The following ATL3 variants were observed in gnomAD, a reference collection of about 807,000 sequenced individuals.
ATL3 encodes the protein atlastin GTPase 3.
ATL3 carries 49 observed loss-of-function variants against 69.5 expected under a neutral mutation model. That is an observed-to-expected ratio of 0.71 (90% confidence interval 0.56 to 0.89). ATL3 has a LOEUF of 0.89. Among genes scored for constraint, ATL3 ranks in the 40% least tolerant of loss-of-function variants. The pLI is 0.00. For missense variants in ATL3, 606 were observed against 645.7 expected, an observed-to-expected ratio of 0.94 and a Z score of 0.67; for synonymous variants, 214 against 224.1, an observed-to-expected ratio of 0.95 and a Z score of 0.40.
chr11:63,634,561 T>C (rs1939454077), intron 10 of ATL3, among the ~76,000 whole-genome samples: 2 of 152,150 alleles, frequency 1.3e-5, no homozygotes, highest in Admixed American at 1.3e-4. Context: ...CTAGCTCCCT[T>C]TATGAAAATT....
chr11:63,636,419 C>A, intron 8 of ATL3, 85 bp from the exon 9 acceptor site: 1 of 1,556,496 alleles, frequency 6.4e-7, no homozygotes, highest in South Asian at 1.2e-5. Flanking sequence ...TCTTCCCAGT[C>A]TAGTGCTTTT....
chr11:63,643,430 A>G lies in ATL3; in HGVS notation c.777T>C (p.Asp259=), dbSNP rs780944495. 1.5e-5 allele frequency: 24 copies of G among 1,612,868 alleles called. No homozygotes were observed. Among genetic ancestry groups the G allele is most frequent in the Non-Finnish European group, 1.8e-5 (21 of 1,179,494 alleles). ...VRNHIHSCFS[D]VTCFLLPHPG... ...GATGTGGTAAGAGAAAGCAGGTGAC[A>G]TCGGAGAAACATGAGTGAATGTGAT... Residue 259 remains aspartate (D), a synonymous_variant, in exon 8 of 13, where the codon GAT becomes GAC. Coordinates refer to ENST00000398868, the MANE Select transcript of ATL3 (RefSeq NM_015459.5).
At chr11:63,671,551 G>A, upstream of ATL3, 4 of 1,428,846 alleles carry the variant, frequency 2.8e-6, no homozygotes, top group South Asian at 4.3e-5. Context: ...CGCAGGACGA[G>A]GCTAGGCGAG....
At position 63,633,102 on chromosome 11, in the gene ATL3, TAA is replaced by T. The variant is rs966965254; in HGVS notation, c.1036-7_1036-6del. On this transcript the variant is annotated splice_region_variant and splice_polypyrimidine_tract_variant and intron_variant, in intron 10 of 12. Coordinates refer to ENST00000398868, the MANE Select transcript of ATL3 (RefSeq NM_015459.5). ...GTTGTTGGCTTCAGCAGTGGCCTTT[TAA>T]GAGAGAAAAACGTGAACTGTAAATC... 6.2e-7 allele frequency: 1 copy of T among 1,613,500 alleles called. No homozygotes were observed. The highest frequency in any genetic ancestry group is 1.7e-5 in the Admixed American group (1 of 60,020).
intron 1 of ATL3, among the ~76,000 whole-genome samples, chr11:63,665,206 G>T (rs1297688251): frequency 1.3e-5 from 2 of 152,054 alleles, no homozygotes; most frequent in East Asian, 3.9e-4. Context: ...TTAGCTGGGC[G>T]TGGTGGCACA....
intron 11 of ATL3, 146 bp from the exon 12 acceptor site, chr11:63,631,617 AAT>A: frequency 1.3e-6 from 1 of 756,502 alleles, no homozygotes; most frequent in Non-Finnish European, 2.1e-6. Flanking sequence ...GACTAAGACC[AAT>A]AAAGTCTAGT....
At chr11:63,656,377 CAA>C (rs1333044134) in intron 3 of ATL3, among the ~76,000 whole-genome samples, 1 of 151,728 alleles carries the variant, frequency 6.6e-6, no homozygotes, top group Non-Finnish European at 1.5e-5. Context: ...AGCAACCAGA[CAA>C]AAAAGACAGA....
chr11:63,659,800 G>A (rs1008908665), intron 1 of ATL3, among the ~76,000 whole-genome samples: 2 of 151,390 alleles, frequency 1.3e-5, no homozygotes, highest in Non-Finnish European at 2.9e-5. Context: ...GCTGGGTGTG[G>A]TGGCACGCAC....
In ATL3 at chr11:63,671,270, A is replaced by T; in HGVS notation, c.46+20T>A. 6.3e-7 allele frequency: 1 copy of T among 1,575,998 alleles called. No homozygotes were observed. ...GGCGGGGGTGGCCGCGGGGCGATCC[A>T]GGGAAAATCGGCGCCTCACCTGCTC... On this transcript the variant is annotated intron_variant, in intron 1 of 12. Coordinates refer to ENST00000398868, the MANE Select transcript of ATL3 (RefSeq NM_015459.5).
chr11:63,636,294 T>C lies in ATL3; in HGVS notation c.891A>G (p.Ile297Met). ...GEFKEQLQAL[I>M]PYVLNPSKLM... ...ACTTAGATGGGTTTAATACATACGG[T>C]ATCAGTGCCTGTAACTGCTCTTTGA... The change falls in exon 9 of 13, where the codon ATA (isoleucine) becomes ATG (methionine). Residue 297 changes from isoleucine to methionine, a missense_variant. Physicochemically the swap from Ile to Met is conservative, Grantham distance 10. Transcript: ENST00000398868. 6.2e-7 allele frequency: 1 copy of C among 1,614,072 alleles called. No individual in the cohort carries two copies. The highest frequency in any genetic ancestry group is 8.5e-7 in the Non-Finnish European group (1 of 1,180,002).
At chr11:63,659,314 G>C in intron 1 of ATL3, 62 bp from the exon 2 acceptor site, 1 of 1,482,902 alleles carries the variant, frequency 6.7e-7, no homozygotes, top group Non-Finnish European at 9.3e-7. Context: ...TTGAATATAG[G>C]GAAAACAAAA....
chr11:63,667,763 C>CA (rs35015200), intron 1 of ATL3, among the ~76,000 whole-genome samples: 7,974 of 99,500 alleles, frequency 0.08, 266 homozygotes, highest in Non-Finnish European at 0.097. Flanking sequence ...GACTCTGTAT[C>CA]AAAAAAAAAA....
chr11:63,630,115 G>A (rs1263948824), intron 12 of ATL3, among the ~76,000 whole-genome samples: 1 of 152,054 alleles, frequency 6.6e-6, no homozygotes, highest in Non-Finnish European at 1.5e-5. Flanking sequence ...TGAAGAGCAT[G>A]TAATTAGAAG....
At chr11:63,633,750 G>A (rs1427532595) in intron 10 of ATL3, among the ~76,000 whole-genome samples, 2 of 151,428 alleles carry the variant, frequency 1.3e-5, no homozygotes, top group Non-Finnish European at 2.9e-5. Context: ...GGAAAGGTTG[G>A]GCGTGGTGGC....
intron 3 of ATL3, among the ~76,000 whole-genome samples, chr11:63,653,193 G>A (rs1327121145): frequency 9.9e-5 from 15 of 152,002 alleles, no homozygotes; most frequent in African/African-American, 3.1e-4. Context: ...TAGGCCAGGC[G>A]CAGTGGCTCA....
chr11:63,647,091 C>T (rs1254014571), intron 5 of ATL3, among the ~76,000 whole-genome samples: 2 of 152,204 alleles, frequency 1.3e-5, no homozygotes, highest in African/African-American at 2.4e-5. Context: ...TGCTCCCTCA[C>T]TTCTTAAGGT....
At chr11:63,641,830 T>C (rs538203169) in intron 8 of ATL3, among the ~76,000 whole-genome samples, 1 of 152,242 alleles carries the variant, frequency 6.6e-6, no homozygotes, top group East Asian at 1.9e-4. Flanking sequence ...CCCTGAATGA[T>C]AAAAATGAAA....
chr11:63,657,531 A>C (rs773094975), intron 3 of ATL3, among the ~76,000 whole-genome samples: 43 of 152,238 alleles, frequency 2.8e-4, no homozygotes, highest in African/African-American at 1.0e-3. Flanking sequence ...AGTAAAGAAC[A>C]GAAGTGGTAA....
At chr11:63,654,255 T>A (rs2134511954) in intron 3 of ATL3, among the ~76,000 whole-genome samples, 1 of 151,454 alleles carries the variant, frequency 6.6e-6, no homozygotes, top group Non-Finnish European at 1.5e-5. Flanking sequence ...CACGCCATTC[T>A]CCTGCCTCAG....
Sources: gnomAD v4.1 joint callset for allele counts (sites outside exome capture counted in the v4.1 genomes callset) on GRCh38, gnomAD v4.1.1 for gene constraint, MANE v1.5 for transcripts, NCBI Gene and HGNC (gene_info 2026-07-23, HGNC 2026-07-21) for gene names.